The following RIMS2 variants were observed in gnomAD, a reference collection of about 807,000 sequenced individuals.
RIMS2 encodes the protein regulating synaptic membrane exocytosis protein 2.
Under a neutral mutation model 174.4 loss-of-function variants are expected in RIMS2, and 59 were observed. That is an observed-to-expected ratio of 0.34 (90% CI 0.27 to 0.42). The LOEUF (loss-of-function observed/expected upper bound fraction) is 0.42, where lower values mean the gene tolerates loss of function less well. Among genes scored for constraint, RIMS2 ranks in the 10% least tolerant of loss-of-function variants. The pLI is 1.00. For synonymous variants in RIMS2, 606 were observed against 572.5 expected, an observed-to-expected ratio of 1.06 and a Z score of -0.84; for missense variants, 1,620 against 1,666.3, an observed-to-expected ratio of 0.97 and a Z score of 0.48.
chr8:103,521,264 A>C (rs1350012994), intron 1 of RIMS2, among the ~76,000 whole-genome samples: 1 of 152,026 alleles, frequency 6.6e-6, no homozygotes, highest in African/African-American at 2.4e-5. Context: ...GTGCACATGT[A>C]CCCTAAAACT....
chr8:103,842,582 T>C (rs191132388), intron 3 of RIMS2, among the ~76,000 whole-genome samples: 43 of 152,352 alleles, frequency 2.8e-4, no homozygotes, highest in Non-Finnish European at 5.1e-4. Flanking sequence ...TTAATTACTA[T>C]GTCAAAATGT....
At chr8:104,101,382 G>A (rs2097897689) in intron 19 of RIMS2, among the ~76,000 whole-genome samples, 1 of 152,014 alleles carries the variant, frequency 6.6e-6, no homozygotes, top group Non-Finnish European at 1.5e-5. Context: ...ACCCGCCTCG[G>A]CCTCCCAAAG....
intron 1 of RIMS2, among the ~76,000 whole-genome samples, chr8:103,601,055 A>G (rs555358591): frequency 1.3e-5 from 2 of 152,216 alleles, no homozygotes; most frequent in Admixed American, 1.3e-4. Flanking sequence ...TTAATGGATT[A>G]TTAGATTCTT....
chr8:103,823,644 G>A (rs2098767682), intron 3 of RIMS2, among the ~76,000 whole-genome samples: 1 of 151,862 alleles, frequency 6.6e-6, no homozygotes, highest in South Asian at 2.1e-4. Flanking sequence ...TTTTCCTGTA[G>A]CATTTATTAT....
intron 19 of RIMS2, among the ~76,000 whole-genome samples, chr8:104,236,043 T>G (rs1301647265): frequency 6.6e-6 from 1 of 151,428 alleles, no homozygotes; most frequent in African/African-American, 2.4e-5. Flanking sequence ...CAAAACTGTC[T>G]TGTAGAATGT....
chr8:103,582,137 G>A (rs1436597074), intron 1 of RIMS2, among the ~76,000 whole-genome samples: 2 of 152,098 alleles, frequency 1.3e-5, no homozygotes, highest in Non-Finnish European at 2.9e-5. Flanking sequence ...CGAGGTCCCT[G>A]TTCCAGGCCC....
chr8:103,809,836 GGA>G (rs1353100840), intron 3 of RIMS2, among the ~76,000 whole-genome samples: 2 of 152,104 alleles, frequency 1.3e-5, no homozygotes, highest in Non-Finnish European at 2.9e-5. Flanking sequence ...CGCATTTATA[GGA>G]GGTCATTTAG....
chr8:103,886,317 C>T, intron 4 of RIMS2, 94 bp downstream of exon 7: 1 of 1,020,906 alleles, frequency 9.8e-7, no homozygotes, highest in Non-Finnish European at 1.4e-6. Flanking sequence ...ATAGGTATTA[C>T]TAGTAGCTTT....
In RIMS2 at chr8:103,866,173, A is replaced by C. The variant is rs116848485; in HGVS notation, c.699-19125A>C. Among the ~76,000 whole-genome samples the C allele has an allele frequency of 6.2e-3, 940 of 152,290 alleles. 5 individuals are homozygous for C. The highest frequency in any genetic ancestry group is 0.011 in the Non-Finnish European group (735 of 68,006). Reference sequence around the variant, plus strand: ...CCATGTTAATGTGTATCATCAACAAAATATTTTCAGATTACTTATCATAGC... The same window carrying C: ...CCATGTTAATGTGTATCATCAACAACATATTTTCAGATTACTTATCATAGC... On this transcript the variant is annotated intron_variant, in intron 3 of 23. Coordinates refer to ENST00000504942, the Ensembl canonical transcript of RIMS2.
At position 103,953,658 on chromosome 8, in the gene RIMS2, TAAA is replaced by T. The variant is rs2086163339; in HGVS notation, c.2702-7406_2702-7404del. On this transcript the variant is annotated intron_variant, in intron 14 of 23. Transcript: ENST00000504942. ...GCCACTGCAAAAACACACCAAATTGTAAAGACCATCGACATTATGAAGAAACTG... is the reference window on the plus strand; with the variant it reads ...GCCACTGCAAAAACACACCAAATTGTGACCATCGACATTATGAAGAAACTG... Among the ~76,000 whole-genome samples, 3 of 152,084 alleles carry T rather than the reference TAAA, an allele frequency of 2.0e-5. No homozygotes were observed. In the East Asian group the frequency reaches 5.8e-4, roughly 29 times the overall value.
rs1016597656 is a variant in RIMS2 at position 103,519,734 on chromosome 8, T to C, written c.176+18672T>C. On this transcript the variant is annotated intron_variant, in intron 1 of 23. Transcript: ENST00000504942. Reference sequence around the variant, plus strand: ...GTACATGTTTTCGTGGCTTTACTACTTTTTTTTTTTTTTTTTTTTAACCTC... The same window carrying C: ...GTACATGTTTTCGTGGCTTTACTACCTTTTTTTTTTTTTTTTTTTAACCTC... 3.6e-4 allele frequency among the ~76,000 whole-genome samples: 16 copies of C among 44,916 alleles called. No individual in the cohort carries two copies. In the East Asian group the frequency reaches 4.7e-3, roughly 13 times the overall value. 29.5% of individuals were successfully genotyped at this position (44,916 alleles called of 152,430 possible).
intron 19 of RIMS2, among the ~76,000 whole-genome samples, chr8:104,060,148 T>C (rs1320848201): frequency 6.0e-5 from 9 of 150,860 alleles, no homozygotes; most frequent in East Asian, 3.9e-4. Flanking sequence ...AGGAATGGTA[T>C]CAGTTCCTCC....
At chr8:103,692,230 G>A (rs1219207673) in intron 1 of RIMS2, among the ~76,000 whole-genome samples, 1 of 152,188 alleles carries the variant, frequency 6.6e-6, no homozygotes, top group Non-Finnish European at 1.5e-5. Flanking sequence ...GTTCACTCAA[G>A]GTTCAAGGGC....
chr8:103,915,919 T>A (rs1201655065), intron 7 of RIMS2, among the ~76,000 whole-genome samples: 1 of 151,998 alleles, frequency 6.6e-6, no homozygotes, highest in Non-Finnish European at 1.5e-5. Context: ...AAAGGCATAT[T>A]TCCTACCGTG....
At chr8:104,118,370 G>GTTTTTTTTTTTTTTTT (rs113018786) in intron 19 of RIMS2, among the ~76,000 whole-genome samples, 1 of 136,492 alleles carries the variant, frequency 7.3e-6, no homozygotes. Context: ...TTGTTTTTTT[G>GTTTTTTTTTTTTTTTT]TTTTTTTTTT....
intron 3 of RIMS2, among the ~76,000 whole-genome samples, chr8:103,786,364 G>C (rs2098443792): frequency 6.6e-6 from 1 of 151,840 alleles, no homozygotes; most frequent in South Asian, 2.1e-4. Flanking sequence ...TGTGATGTTA[G>C]GGTGTCAATT....
chr8:103,972,024 C>A (rs554203274), intron 15 of RIMS2, among the ~76,000 whole-genome samples: 1 of 152,138 alleles, frequency 6.6e-6, no homozygotes, highest in Non-Finnish European at 1.5e-5. Context: ...CTATCTTACT[C>A]CTTCTCCTAG....
chr8:103,505,839 C>G (rs764684262), intron 1 of RIMS2, among the ~76,000 whole-genome samples: 1 of 152,004 alleles, frequency 6.6e-6, no homozygotes, highest in African/African-American at 2.4e-5. Flanking sequence ...AGATTGAGAG[C>G]CTTTTTAAAA....
At chr8:103,590,139 T>G (rs2094177013) in intron 1 of RIMS2, among the ~76,000 whole-genome samples, 1 of 151,410 alleles carries the variant, frequency 6.6e-6, no homozygotes, top group African/African-American at 2.4e-5. Flanking sequence ...ACCACATTCT[T>G]CAGGATGTGC....
Sources: allele counts gnomAD v4.1 joint callset (sites outside exome capture counted in the v4.1 genomes callset), GRCh38; gene constraint gnomAD v4.1.1; transcripts MANE v1.5; gene names NCBI Gene and HGNC (gene_info 2026-07-23, HGNC 2026-07-21).